GCN1: variants seen among roughly 807,000 people sequenced by gnomAD.
GCN1 encodes the protein stalled ribosome sensor GCN1.
A neutral mutation model predicts 288.4 loss-of-function variants in GCN1; 90 were observed. That is an observed-to-expected ratio of 0.31 (90% confidence interval 0.26 to 0.37). The LOEUF (loss-of-function observed/expected upper bound fraction) is 0.37. GCN1 is among the 10% of genes least tolerant of loss of function. The pLI, the probability that GCN1 is intolerant of heterozygous loss-of-function variation, is 1.00. For synonymous variants in GCN1, 1,386 were observed against 1,420.2 expected, an observed-to-expected ratio of 0.98 and a Z score of 0.54; for missense variants, 2,586 against 3,419.9, an observed-to-expected ratio of 0.76 and a Z score of 6.08.
intron 57 of GCN1, among the ~76,000 whole-genome samples, chr12:120,128,984 C>A (rs1427336940): frequency 6.6e-6 from 1 of 151,724 alleles, no homozygotes; most frequent in Non-Finnish European, 1.5e-5. Context: ...TGGGACAAAG[C>A]CGCCCACCAC....
In GCN1 at chr12:120,144,879, T is replaced by A. The variant is rs1877314039; in HGVS notation, c.5155+44A>T. The A allele has an allele frequency of 1.2e-6, 2 of 1,614,048 alleles. No homozygotes were observed. The highest frequency in any genetic ancestry group is 2.2e-5 in the South Asian group (2 of 91,088). On this transcript the variant is annotated intron_variant, in intron 40 of 57. Transcript: ENST00000300648. This position sits in a 1 kb window ranked among gnomAD's most constrained non-coding sequence, Gnocchi z 4.7. Reference sequence around the variant, plus strand: ...TGAGTCCACTGGATCTGAGGGCCCCTTAGAGCATTCCCAGGCTGGCCACTG... The same window carrying A: ...TGAGTCCACTGGATCTGAGGGCCCCATAGAGCATTCCCAGGCTGGCCACTG...
rs60284535 is a variant in GCN1, at chr12:120,165,051, A to AT, written c.1613-331dup. Among the ~76,000 whole-genome samples, 729 of 142,100 alleles carry AT rather than the reference A, an allele frequency of 5.1e-3. 6 individuals carry two copies. Among genetic ancestry groups the AT allele is most frequent in the African/African-American group, 0.017 (651 of 37,818 alleles). The allele number at this position is 142,100 out of a possible 152,430, so 93.2% of individuals were successfully genotyped here. On this transcript the variant is annotated intron_variant, in intron 16 of 57. Coordinates refer to ENST00000300648, the MANE Select transcript of GCN1 (RefSeq NM_006836.2). ...CACACACACACATATATATATATAT[A>AT]TTTTTTTTTTTGAGAGACAGTCACG...
chr12:120,158,351 T>C lies in GCN1; in HGVS notation c.2905+109A>G, dbSNP rs1877818654. 1 of 925,014 alleles carries C rather than the reference T, an allele frequency of 1.1e-6. No individual in the cohort carries two copies. The highest frequency in any genetic ancestry group is 1.6e-6 in the Non-Finnish European group (1 of 628,016). The allele number at this position is 925,014 out of a possible 1,614,324, so 57.3% of individuals were successfully genotyped here. ...AGGTTCAATTCAGAAATCCTCCATATGGTCCAATCCCCCAGGCTCAGGAGG... is the reference window on the plus strand; with the variant it reads ...AGGTTCAATTCAGAAATCCTCCATACGGTCCAATCCCCCAGGCTCAGGAGG... On this transcript the variant is annotated intron_variant, in intron 25 of 57. Coordinates refer to ENST00000300648, the MANE Select transcript of GCN1 (RefSeq NM_006836.2). This position sits in a 1 kb window ranked among gnomAD's most constrained non-coding sequence, Gnocchi z 4.3.
At chr12:120,143,027 T>A in intron 42 of GCN1, 86 bp from the exon 43 acceptor site, 1 of 773,624 alleles carries the variant, frequency 1.3e-6, no homozygotes, top group Admixed American at 1.9e-5. Flanking sequence ...TGGAAAGAAG[T>A]GCACCCAAAA....
At chr12:120,175,946 A>G in intron 10 of GCN1, 72 bp from the exon 11 acceptor site, 1 of 1,540,534 alleles carries the variant, frequency 6.5e-7, no homozygotes, top group Non-Finnish European at 8.8e-7. Flanking sequence ...TGTCTTTTCC[A>G]TGCCCCCATC....
rs752215605 is a variant in GCN1, at chr12:120,136,523, T to G, written c.6987A>C (p.Thr2329=). The G allele has an allele frequency of 2.5e-6, 4 of 1,613,940 alleles. No individual in the cohort carries two copies. The highest frequency in any genetic ancestry group is 2.2e-5 in the South Asian group (2 of 91,080). The stretch of plus-strand genomic sequence containing the variant: ...TCACCTTAGCCAACAAGAGGCTGAG[T>G]GTCTCGAGCAGAGCCGCCTTCACAT... ...SWNVKAALLE[T]LSLLLAKVGI... The change falls in exon 51 of 58, where the codon ACA becomes ACC. Residue 2329 remains threonine, a synonymous_variant. Coordinates refer to ENST00000300648, the MANE Select transcript of GCN1 (RefSeq NM_006836.2).
At position 120,144,003 on chromosome 12, in the gene GCN1, G is replaced by A. The variant is rs542267315; in HGVS notation, c.5495+303C>T. On this transcript the variant is annotated intron_variant, in intron 42 of 57. Transcript: ENST00000300648. This position sits in a 1 kb window ranked among gnomAD's most constrained non-coding sequence, Gnocchi z 4.7. ...ATCTTTTTTTTTCTCCTAAGACAGC[G>A]TCTTGCTCTGTTGCCCAGGTTGGAG... 2.0e-5 allele frequency among the ~76,000 whole-genome samples: 3 copies of A among 152,178 alleles called. No individual in the cohort carries two copies. The highest frequency in any genetic ancestry group is 4.1e-4 in the South Asian group (2 of 4,822).
chr12:120,130,192 C>G (rs920808498), intron 56 of GCN1, among the ~76,000 whole-genome samples: 1 of 152,166 alleles, frequency 6.6e-6, no homozygotes, highest in Non-Finnish European at 1.5e-5. Flanking sequence ...TTCAGAAGCA[C>G]GCCATATCAC....
At position 120,158,710 on chromosome 12, in the gene GCN1, G is replaced by T; in HGVS notation, c.2750-95C>A. Reference sequence around the variant, plus strand: ...AGGGGACCCAGTGCCTCATCCTTCTGACTTAAAAAAATATTTCTGCGGCTG... The same window carrying T: ...AGGGGACCCAGTGCCTCATCCTTCTTACTTAAAAAAATATTTCTGCGGCTG... On this transcript the variant is annotated intron_variant, in intron 24 of 57. Coordinates refer to ENST00000300648, the MANE Select transcript of GCN1 (RefSeq NM_006836.2). The surrounding 1 kb of genome is among the most constrained non-coding windows in gnomAD (Gnocchi z 4.3). 1 of 1,094,232 alleles carries T rather than the reference G, an allele frequency of 9.1e-7. No homozygotes were observed. The highest frequency in any genetic ancestry group is 1.3e-6 in the Non-Finnish European group (1 of 772,190). The allele number at this position is 1,094,232 out of a possible 1,614,324, so 67.8% of individuals were successfully genotyped here.
intron 16 of GCN1, among the ~76,000 whole-genome samples, chr12:120,165,318 A>G (rs1878086702): frequency 6.6e-6 from 1 of 152,054 alleles, no homozygotes; most frequent in Non-Finnish European, 1.5e-5. Flanking sequence ...TACAGGCGTG[A>G]GCCACTGCAC....
At chr12:120,141,563 C>T (rs1316715128) in intron 44 of GCN1, among the ~76,000 whole-genome samples, 3 of 152,186 alleles carry the variant, frequency 2.0e-5, no homozygotes, top group South Asian at 2.1e-4. Flanking sequence ...CCTGCCAGCG[C>T]GCCAGCCTGA....
chr12:120,162,873 T>A lies in GCN1; in HGVS notation c.2137A>T (p.Met713Leu), dbSNP rs1273328997. The change falls in exon 20 of 58, where the codon ATG becomes TTG. Residue 713 changes from methionine (M) to leucine (L), a missense_variant. Met to Leu is a conservative substitution (Grantham distance 15). Transcript: ENST00000300648. The stretch of plus-strand genomic sequence containing the variant: ...TGGTTTAGGGGACTCTGTGTGGTCA[T>A]CCTGGGAATGATCTGATCCAGGTGC... ...TRHLDQIIPR[M>L]TTQSPLNQSS... is the part of the protein sequence containing the mutation. 3 of 1,613,996 alleles carry A rather than the reference T, an allele frequency of 1.9e-6. No homozygotes were observed. Among genetic ancestry groups the A allele is most frequent in the Admixed American group, 1.7e-5 (1 of 59,994 alleles).
At chr12:120,151,441 A>T (rs1246309962) in intron 33 of GCN1, 50 bp from the exon 34 acceptor site, 1 of 1,600,920 alleles carries the variant, frequency 6.2e-7, no homozygotes, top group South Asian at 1.1e-5. Flanking sequence ...CAGCCGTTTC[A>T]TGGTTGGTGG....
intron 2 of GCN1, among the ~76,000 whole-genome samples, chr12:120,187,811 T>C (rs1195899012): frequency 6.6e-6 from 1 of 150,882 alleles, no homozygotes; most frequent in African/African-American, 2.4e-5. Flanking sequence ...TCCAAGATGA[T>C]GCTGATGCTG....
At position 120,158,008 on chromosome 12, in the gene GCN1, T is replaced by C. The variant is rs752218382; in HGVS notation, c.2928A>G (p.Pro976=). 3.1e-6 allele frequency: 5 copies of C among 1,613,906 alleles called. No homozygotes were observed. The highest frequency in any genetic ancestry group is 1.6e-4 in the Middle Eastern group (1 of 6,062). The part of the protein sequence containing the change: ...GEPGAAPLSA[P]AFSLVFPFLK... ...GAAACGGGAAGACTAAGGAGAAGGCTGGCGCGGACAAGGGCGCAGCACCTG... is the reference window on the plus strand; with the variant it reads ...GAAACGGGAAGACTAAGGAGAAGGCCGGCGCGGACAAGGGCGCAGCACCTG... The change falls in exon 26 of 58, where the codon CCA becomes CCG. Residue 976 remains proline, a synonymous_variant. Coordinates refer to ENST00000300648, the MANE Select transcript of GCN1 (RefSeq NM_006836.2). The surrounding 1 kb of genome is among the most constrained non-coding windows in gnomAD (Gnocchi z 4.3).
intron 16 of GCN1, among the ~76,000 whole-genome samples, chr12:120,166,809 A>G (rs754075809): frequency 3.3e-5 from 5 of 151,554 alleles, no homozygotes; most frequent in Non-Finnish European, 5.9e-5. Context: ...CCAGGAGTTC[A>G]AGGTCAGCCT....
In GCN1 at chr12:120,137,871, T is replaced by C. The variant is rs778937289; in HGVS notation, c.6393+30A>G. On this transcript the variant is annotated intron_variant, in intron 48 of 57. Coordinates refer to ENST00000300648, the MANE Select transcript of GCN1 (RefSeq NM_006836.2). The surrounding 1 kb of genome is among the most constrained non-coding windows in gnomAD (Gnocchi z 5.2). ...AGGGATCCTCCGGGCAGACGGGACA[T>C]GAGAAAGCAGGAGCAGGCTCGCCCC... is the stretch of plus-strand genomic sequence containing the variant. 1 of 1,613,236 alleles carries C rather than the reference T, an allele frequency of 6.2e-7. No individual in the cohort carries two copies. The highest frequency in any genetic ancestry group is 1.1e-5 in the South Asian group (1 of 91,056).
intron 46 of GCN1, 21 bp downstream of exon 46, chr12:120,138,674 G>A (rs1451065742): frequency 6.2e-7 from 1 of 1,606,742 alleles, no homozygotes; most frequent in Non-Finnish European, 8.5e-7. Context: ...TGGTAGGTAG[G>A]TGTGTGGTAG....
At chr12:120,175,292 A>G in intron 11 of GCN1, 80 bp from the exon 12 acceptor site, 1 of 1,241,602 alleles carries the variant, frequency 8.1e-7, no homozygotes, top group Non-Finnish European at 1.2e-6. Flanking sequence ...CACGTGTGTG[A>G]TGCCACGATA....
Sources: allele counts gnomAD v4.1 joint callset (sites outside exome capture counted in the v4.1 genomes callset), GRCh38; gene constraint gnomAD v4.1.1; non-coding constraint Gnocchi (gnomAD v3.1); transcripts MANE v1.5; gene names NCBI Gene and HGNC (gene_info 2026-07-23, HGNC 2026-07-21).